The following SHANK2 variants were observed in gnomAD, a reference collection of about 807,000 sequenced individuals.
SHANK2 encodes SH3 and multiple ankyrin repeat domains protein 2.
A neutral mutation model predicts 133.7 loss-of-function variants in SHANK2; 43 were observed. The ratio of observed to expected loss-of-function variants is 0.32; its 90% CI spans 0.25 to 0.41. The LOEUF (loss-of-function observed/expected upper bound fraction) is 0.41, where lower values mean the gene tolerates loss of function less well. Ranked by LOEUF, SHANK2 falls within the 10% of genes least tolerant of loss-of-function variation. The pLI is 1.00. For missense variants in SHANK2, 1,994 were observed against 2,235.8 expected (o/e 0.89, Z 2.18); for synonymous variants, 1,017 against 952.8 (o/e 1.07, Z -1.24).
intron 14 of SHANK2, among the ~76,000 whole-genome samples, chr11:70,785,882 C>T (rs1169710375): frequency 2.6e-5 from 4 of 152,160 alleles, no homozygotes; most frequent in African/African-American, 9.7e-5. Context: ...GCTCTGTCCG[C>T]TTCAGGGACT....
At chr11:70,769,274 G>T (rs951863853) in intron 14 of SHANK2, among the ~76,000 whole-genome samples, 1 of 152,292 alleles carries the variant, frequency 6.6e-6, no homozygotes, top group African/African-American at 2.4e-5. Context: ...CCTGCTTCAC[G>T]CGGTGGCCCC....
rs371014468 is a variant in SHANK2, at chr11:70,485,010, C to T, written c.4979+304G>A. Among the ~76,000 whole-genome samples the T allele has an allele frequency of 3.3e-5, 5 of 152,234 alleles. No homozygotes were observed. The highest frequency in any genetic ancestry group is 1.2e-4 in the African/African-American group (5 of 41,528). On this transcript the variant is annotated intron_variant, in intron 25 of 25. Coordinates refer to ENST00000601538, the MANE Select transcript of SHANK2 (RefSeq NM_012309.5). The surrounding 1 kb of genome is among the most constrained non-coding windows in gnomAD (Gnocchi z 5.8). ...GGTCCTGGCAGAGATCTGGAGGGCA[C>T]AGAAGAGAGAGTAGAGCTTCTCTTT...
chr11:70,887,330 G>C (rs1949763157), intron 11 of SHANK2, among the ~76,000 whole-genome samples: 1 of 150,732 alleles, frequency 6.6e-6, no homozygotes, highest in African/African-American at 2.4e-5. Context: ...CTTCGAGTTG[G>C]CAAATAAAAT....
chr11:70,786,334 G>A (rs373869652), intron 14 of SHANK2, among the ~76,000 whole-genome samples: 2 of 152,152 alleles, frequency 1.3e-5, no homozygotes, highest in East Asian at 3.9e-4. Context: ...GGGGCTGGGT[G>A]GAGGTGAGGG....
chr11:70,955,422 G>GGGGTGTGTGTGT (rs1220747460), intron 10 of SHANK2, among the ~76,000 whole-genome samples: 2 of 146,564 alleles, frequency 1.4e-5, no homozygotes, highest in African/African-American at 5.1e-5. Flanking sequence ...AGACCCACGG[G>GGGGTGTGTGTGT]GTGTGTGTGT....
rs147908594 is a variant in SHANK2 at position 71,196,465 on chromosome 11, T to C, written c.-13+28232A>G. ...CACGTCCAGCTAATTTCTGTATTTTTAGTAGAGATGGGGTTTCATCAGGTT... is the reference window on the plus strand; with the variant it reads ...CACGTCCAGCTAATTTCTGTATTTTCAGTAGAGATGGGGTTTCATCAGGTT... On this transcript the variant is annotated intron_variant, in intron 2 of 25. Transcript: ENST00000601538. Among the ~76,000 whole-genome samples, 1,022 of 152,054 alleles carry C rather than the reference T, an allele frequency of 6.7e-3. 10 individuals are homozygous for C. Among genetic ancestry groups the C allele is most frequent in the African/African-American group, 0.024 (981 of 41,554 alleles).
At chr11:71,142,642 T>G (rs1952578801) in intron 3 of SHANK2, among the ~76,000 whole-genome samples, 1 of 151,904 alleles carries the variant, frequency 6.6e-6, no homozygotes, top group South Asian at 2.1e-4. Context: ...AAATAAAGGA[T>G]CCAACCGATA....
Position 70,936,697 on chromosome 11 carries a change from A to G in SHANK2, c.1108-40130T>C, listed in dbSNP as rs374933178. ...GCCAGAGCTGAAACAGTTCTCCACT[A>G]ACGAACAGGTTCATAGAGAGCTGGT... On this transcript the variant is annotated intron_variant, in intron 10 of 25. Transcript: ENST00000601538. Among the ~76,000 whole-genome samples, 34 of 152,302 alleles carry G rather than the reference A, an allele frequency of 2.2e-4. 1 individual carries two copies. The highest frequency in any genetic ancestry group is 7.9e-4 in the African/African-American group (33 of 41,572).
chr11:70,818,997 C>A (rs939184457), intron 12 of SHANK2, among the ~76,000 whole-genome samples: 1 of 152,218 alleles, frequency 6.6e-6, no homozygotes, highest in African/African-American at 2.4e-5. Context: ...CCCTGACATC[C>A]CTGACCTTAG....
intron 21 of SHANK2, among the ~76,000 whole-genome samples, chr11:70,499,591 G>A (rs140277985): frequency 5.1e-4 from 78 of 152,344 alleles, no homozygotes; most frequent in Non-Finnish European, 9.4e-4. Context: ...CCGTGAGCTG[G>A]GGTTTGGCCT....
intron 11 of SHANK2, among the ~76,000 whole-genome samples, chr11:70,868,763 C>T (rs539870885): frequency 6.6e-6 from 1 of 152,332 alleles, no homozygotes; most frequent in East Asian, 1.9e-4. Flanking sequence ...CACGGAAAGC[C>T]CTGTTTGGAC....
intron 11 of SHANK2, among the ~76,000 whole-genome samples, chr11:70,874,588 A>C (rs1391135913): frequency 6.6e-6 from 1 of 152,102 alleles, no homozygotes; most frequent in East Asian, 1.9e-4. Flanking sequence ...AAATATTTTG[A>C]AAGAATGAAT....
chr11:71,183,454 G>A lies in SHANK2; in HGVS notation c.-12-36116C>T, dbSNP rs574779554. Reference sequence around the variant, plus strand: ...CCAAGACTCTGGCATGCTTTAGAACGGTGTCAGTGAGGAGGTGCTTGCTTT... The same window carrying A: ...CCAAGACTCTGGCATGCTTTAGAACAGTGTCAGTGAGGAGGTGCTTGCTTT... On this transcript the variant is annotated intron_variant, in intron 2 of 25. Coordinates refer to ENST00000601538, the MANE Select transcript of SHANK2 (RefSeq NM_012309.5). Among the ~76,000 whole-genome samples, 7 of 152,264 alleles carry A rather than the reference G, an allele frequency of 4.6e-5. No individual in the cohort carries two copies. The South Asian group carries it at 1.0e-3, about 23-fold the overall frequency.
chr11:71,092,498 T>A lies in SHANK2; in HGVS notation c.836A>T (p.Tyr279Phe). The A allele has an allele frequency of 6.4e-7, 1 of 1,551,568 alleles. No homozygotes were observed. The highest frequency in any genetic ancestry group is 8.7e-7 in the Non-Finnish European group (1 of 1,146,956). ...TTCGTGCAGGAGAAGCTCGCAGCAG[T>A]AGGGATCACCTCCGACGATGGCTGT... ...YHTAIVGGDP[Y>F]CCELLLHEHA... Residue 279 changes from tyrosine to phenylalanine, a missense_variant, in exon 8 of 26, where the codon TAC becomes TTC. Tyr to Phe is a conservative substitution (Grantham distance 22). Around this residue, in one of 5 missense-constraint regions of SHANK2, gnomAD observed 653 missense variants for 563.4 expected, o/e 1.16. Transcript: ENST00000601538.
chr11:70,852,580 C>T (rs1949102962), intron 11 of SHANK2, among the ~76,000 whole-genome samples: 2 of 152,226 alleles, frequency 1.3e-5, no homozygotes, highest in South Asian at 4.1e-4. Flanking sequence ...CACAGTGGCT[C>T]ATGCCTGTAA....
intron 17 of SHANK2, among the ~76,000 whole-genome samples, chr11:70,612,384 A>C (rs2060671238): frequency 6.6e-6 from 1 of 152,198 alleles, no homozygotes; most frequent in Non-Finnish European, 1.5e-5. Context: ...ATCTCTCGCC[A>C]GGTACAGCTG....
intron 10 of SHANK2, among the ~76,000 whole-genome samples, chr11:70,925,973 G>C (rs1325380900): frequency 6.6e-6 from 1 of 152,088 alleles, no homozygotes; most frequent in Non-Finnish European, 1.5e-5. Context: ...ACATATTGTT[G>C]ACTCATTAAC....
chr11:71,241,306 TACATGATCA>T (rs1305296195), intron 1 of SHANK2, among the ~76,000 whole-genome samples: 1 of 152,134 alleles, frequency 6.6e-6, no homozygotes, highest in African/African-American at 2.4e-5. Flanking sequence ...TAAACTGAGC[TACATGATCA>T]ACTCAGGGTG....
intron 15 of SHANK2, among the ~76,000 whole-genome samples, chr11:70,689,610 T>C (rs1555020479): frequency 6.6e-6 from 1 of 152,184 alleles, no homozygotes; most frequent in Non-Finnish European, 1.5e-5. Context: ...AACTTCTTAC[T>C]GGCAATTCTC....
Sources: allele counts gnomAD v4.1 joint callset (sites outside exome capture counted in the v4.1 genomes callset), GRCh38; gene constraint gnomAD v4.1.1; regional missense constraint gnomAD v4.1.1; non-coding constraint Gnocchi (gnomAD v3.1); transcripts MANE v1.5; gene names NCBI Gene and HGNC (gene_info 2026-07-23, HGNC 2026-07-21).